Variants in HTR4 observed in about 807,000 individuals in gnomAD.
The protein encoded by HTR4 is 5-hydroxytryptamine (serotonin) receptor 4, G protein-coupled.
In HTR4, 16 loss-of-function variants were observed where a neutral mutation model predicts 36.8. The ratio of observed to expected loss-of-function variants is 0.43; its 90% CI spans 0.29 to 0.66. The LOEUF is 0.66. HTR4 is among the 30% of genes least tolerant of loss of function. The pLI, the probability that HTR4 is intolerant of heterozygous loss-of-function variation, is 0.13. For missense variants in HTR4, 438 were observed against 490.9 expected, an observed-to-expected ratio of 0.89 and a Z score of 1.02; for synonymous variants, 189 against 185.1, an observed-to-expected ratio of 1.02 and a Z score of -0.17.
intron 2 of HTR4, among the ~76,000 whole-genome samples, chr5:148,615,008 A>G (rs1436984181): frequency 2.0e-5 from 3 of 152,108 alleles, no homozygotes; most frequent in South Asian, 4.1e-4. Context: ...TTAGAATGGC[A>G]ATCATTAAAA....
In HTR4 at chr5:148,482,104, G is replaced by C; in HGVS notation, c.*1099C>G. On this transcript the variant is annotated 3_prime_UTR_variant, in exon 7 of 7. Transcript: ENST00000377888. ...GATCTCACAGCTTGTTTGCAGCACA[G>C]CCAGGGCGGCAATTTGGGTCCTCTG... The C allele has an allele frequency of 5.1e-6, 5 of 984,566 alleles. No homozygotes were observed. The highest frequency in any genetic ancestry group is 6.0e-6 in the Non-Finnish European group (5 of 829,048). The allele number at this position is 984,566 out of a possible 1,614,324, so 61.0% of individuals were successfully genotyped here.
chr5:148,611,287 G>A (rs1177040706), intron 2 of HTR4, among the ~76,000 whole-genome samples: 2 of 151,828 alleles, frequency 1.3e-5, no homozygotes, highest in Non-Finnish European at 2.9e-5. Context: ...GAAAGGTCGG[G>A]TTACTCTCAA....
At chr5:148,551,150 A>T (rs532454741) in intron 2 of HTR4, among the ~76,000 whole-genome samples, 22 of 152,112 alleles carry the variant, frequency 1.4e-4, no homozygotes, top group East Asian at 3.9e-4. Flanking sequence ...GTTACTTTGC[A>T]TTCATACAGT....
At chr5:148,528,349 G>A (rs1417781476) in intron 4 of HTR4, among the ~76,000 whole-genome samples, 1 of 151,974 alleles carries the variant, frequency 6.6e-6, no homozygotes, top group African/African-American at 2.4e-5. Context: ...TTCTTATTTG[G>A]AGCTCGAATT....
chr5:148,475,144 C>G (rs1755665428), downstream of HTR4, among the ~76,000 whole-genome samples: 1 of 152,104 alleles, frequency 6.6e-6, no homozygotes, highest in Non-Finnish European at 1.5e-5. Context: ...TACCAATTAT[C>G]TCCCTGGCAG....
In HTR4 at chr5:148,522,032, G is replaced by T. The variant is rs561003653; in HGVS notation, c.507+1161C>A. 2.4e-4 allele frequency among the ~76,000 whole-genome samples: 36 copies of T among 152,194 alleles called. No homozygotes were observed. In the Middle Eastern group the frequency reaches 0.01, roughly 43 times the overall value. On this transcript the variant is annotated intron_variant, in intron 5 of 6. Transcript: ENST00000377888. ...GGGAGATAACTGAATTATGGGGGTG[G>T]TTTCCCCCATACTTTTCTCGTGGTA...
chr5:148,574,233 T>C (rs564101048), intron 2 of HTR4, among the ~76,000 whole-genome samples: 2 of 152,074 alleles, frequency 1.3e-5, no homozygotes, highest in Non-Finnish European at 2.9e-5. Flanking sequence ...AACCAGCACT[T>C]GACTATCAGC....
At chr5:148,549,445 G>A (rs992386037) in intron 3 of HTR4, among the ~76,000 whole-genome samples, 1 of 152,118 alleles carries the variant, frequency 6.6e-6, no homozygotes, top group Non-Finnish European at 1.5e-5. Flanking sequence ...GAACTGCTTC[G>A]TTATACCCTC....
intron 1 of HTR4, chr5:148,646,204 G>C (rs564231661): frequency 6.6e-6 from 1 of 152,224 alleles, no homozygotes; most frequent in Admixed American, 6.5e-5. Flanking sequence ...TGGAAGGATG[G>C]AGTGCAATCT....
At chr5:148,626,135 T>C (rs1725500401) in intron 2 of HTR4, among the ~76,000 whole-genome samples, 1 of 152,186 alleles carries the variant, frequency 6.6e-6, no homozygotes, top group Admixed American at 6.5e-5. Context: ...CCATCAGTAA[T>C]GCAACCAAAG....
rs749389168 is a variant in HTR4, at chr5:148,548,865, T to C, written c.156A>G (p.Lys52=). The C allele has an allele frequency of 7.4e-5, 119 of 1,612,764 alleles. No individual in the cohort carries two copies. Among genetic ancestry groups the C allele is most frequent in the Non-Finnish European group, 9.3e-5 (110 of 1,179,238 alleles). ...ATACAATGAAATAATTTGTTTTTATTTTCCTGTGAGTGAAAAAGTGTAAGA... is the reference window on the plus strand; with the variant it reads ...ATACAATGAAATAATTTGTTTTTATCTTCCTGTGAGTGAAAAAGTGTAAGA... ...VAVCWDRQLR[K]IKTNYFIVSL... is the part of the protein sequence containing the mutation. Residue 52 remains lysine, a synonymous_variant, in exon 4 of 7, where the codon AAA becomes AAG. Coordinates refer to ENST00000377888, the MANE Select transcript of HTR4 (RefSeq NM_000870.7).
chr5:148,471,479 G>A (rs1755566095), intron 5 of HTR4, among the ~76,000 whole-genome samples: 1 of 152,076 alleles, frequency 6.6e-6, no homozygotes, highest in African/African-American at 2.4e-5. Flanking sequence ...CCAGTTTCTA[G>A]GGAACCTGGA....
rs201495367 is a variant in HTR4 at position 148,482,439 on chromosome 5, G to C, written c.*764C>G. ...CACGCCAGCGGCCAGGACACCAGGAGGAAGCTATCTGTCTTCAGCTTCCCT... is the reference window on the plus strand; with the variant it reads ...CACGCCAGCGGCCAGGACACCAGGACGAAGCTATCTGTCTTCAGCTTCCCT... On this transcript the variant is annotated 3_prime_UTR_variant, in exon 7 of 7. Transcript: ENST00000377888. The C allele has an allele frequency of 1.0e-6, 1 of 985,654 alleles. No individual in the cohort carries two copies. The highest frequency in any genetic ancestry group is 1.2e-6 in the Non-Finnish European group (1 of 830,122). The allele number at this position is 985,654 out of a possible 1,614,324, so 61.1% of individuals were successfully genotyped here. A position where few individuals can be genotyped will look rare whatever the true frequency, so the allele number is the denominator to read the frequency against.
intron 1 of HTR4, 25 bp from the exon 2 acceptor site, chr5:148,637,086 G>C: frequency 6.7e-7 from 1 of 1,485,438 alleles, no homozygotes; most frequent in Non-Finnish European, 9.4e-7. Flanking sequence ...GTAAAAAGAT[G>C]TTATAAAAGA....
intron 4 of HTR4, among the ~76,000 whole-genome samples, chr5:148,546,529 G>A (rs991478558): frequency 1.5e-4 from 23 of 152,108 alleles, no homozygotes; most frequent in African/African-American, 4.8e-4. Flanking sequence ...TGAAAAGTAC[G>A]TAGGCATAAA....
At chr5:148,590,287 CTTTTTTTTTTTTTTTTTTT>C (rs779077579) in intron 2 of HTR4, among the ~76,000 whole-genome samples, 2 of 33,324 alleles carry the variant, frequency 6.0e-5, no homozygotes, top group African/African-American at 2.7e-4. Flanking sequence ...TTTTTCTTTT[CTTTTTTTTTTTTTTTTTTT>C]TTTTTTTTTG....
At chr5:148,572,271 G>T (rs1023152949) in intron 2 of HTR4, among the ~76,000 whole-genome samples, 1 of 151,928 alleles carries the variant, frequency 6.6e-6, no homozygotes, top group Non-Finnish European at 1.5e-5. Context: ...TGTTTTTTAT[G>T]CATTGGCTGA....
downstream of HTR4, among the ~76,000 whole-genome samples, chr5:148,471,986 T>C (rs1313068241): frequency 6.6e-6 from 1 of 152,222 alleles, no homozygotes; most frequent in East Asian, 1.9e-4. Context: ...CAGGTGTCCC[T>C]GTCCGTGTGA....
chr5:148,637,019 G>A lies in HTR4; in HGVS notation c.-5C>T, dbSNP rs372572658. 31 of 1,610,260 alleles carry A rather than the reference G, an allele frequency of 1.9e-5. No individual in the cohort carries two copies. The highest frequency in any genetic ancestry group is 1.7e-5 in the Admixed American group (1 of 59,900). ...ATTAGCATCAAGTTTGTCCATTACA[G>A]GAAATAAGCATGAGTGAGTTGGATT... On this transcript the variant is annotated 5_prime_UTR_variant, in exon 2 of 7. Coordinates refer to ENST00000377888, the MANE Select transcript of HTR4 (RefSeq NM_000870.7).
Sources: gnomAD v4.1 joint callset for allele counts (sites outside exome capture counted in the v4.1 genomes callset) on GRCh38, gnomAD v4.1.1 for gene constraint, MANE v1.5 for transcripts, NCBI Gene and HGNC (gene_info 2026-07-23, HGNC 2026-07-21) for gene names.